MICU1: variants seen among roughly 807,000 people sequenced by gnomAD.
MICU1 encodes the protein mitochondrial calcium uptake 1, also known as calcium uptake protein 1, mitochondrial.
Under a neutral mutation model 56.8 loss-of-function variants are expected in MICU1, and 45 were observed. That is an observed-to-expected ratio of 0.79 (90% CI 0.62 to 1.02). The LOEUF is 1.02. Ranked by LOEUF, MICU1 falls within the 50% of genes least tolerant of loss-of-function variation. The probability of loss-of-function intolerance (pLI) is 0.00; values close to 1 mark genes in which losing one functional copy is unlikely to be tolerated. For synonymous variants in MICU1, 186 were observed against 195.1 expected, an observed-to-expected ratio of 0.95 and a Z score of 0.39; for missense variants, 504 against 587.1, an observed-to-expected ratio of 0.86 and a Z score of 1.46.
chr10:72,427,771 A>ATATATATAT (rs1864397499), intron 8 of MICU1, among the ~76,000 whole-genome samples: 1 of 130,632 alleles, frequency 7.7e-6, no homozygotes, highest in Non-Finnish European at 1.6e-5. Flanking sequence ...TATATATATG[A>ATATATATAT]ATGATAAATT....
intron 1 of MICU1, among the ~76,000 whole-genome samples, chr10:72,620,091 C>T (rs1564515981): frequency 6.6e-6 from 1 of 152,038 alleles, no homozygotes; most frequent in Non-Finnish European, 1.5e-5. Flanking sequence ...AAAGAACAAA[C>T]TTTAAAAAGC....
At chr10:72,541,260 G>T (rs1409654735) in intron 4 of MICU1, among the ~76,000 whole-genome samples, 1 of 152,182 alleles carries the variant, frequency 6.6e-6, no homozygotes, top group Non-Finnish European at 1.5e-5. Flanking sequence ...AGCAACCTTT[G>T]TAAAACTAGT....
chr10:72,395,958 C>A (rs1158446809), intron 10 of MICU1, among the ~76,000 whole-genome samples: 1 of 152,264 alleles, frequency 6.6e-6, no homozygotes, highest in Non-Finnish European at 1.5e-5. Context: ...GCTCTGAGAA[C>A]AGACAGACTG....
chr10:72,499,459 G>A (rs1354986400), intron 6 of MICU1, among the ~76,000 whole-genome samples: 1 of 152,166 alleles, frequency 6.6e-6, no homozygotes, highest in Non-Finnish European at 1.5e-5. Context: ...AGAAAAGGAA[G>A]TTATTGGTAA....
intron 10 of MICU1, among the ~76,000 whole-genome samples, chr10:72,394,442 G>A (rs536098951): frequency 2.9e-4 from 44 of 151,700 alleles, no homozygotes; most frequent in Admixed American, 9.2e-4. Context: ...CCTGGCCAAT[G>A]TGGTAAAACC....
chr10:72,513,677 GCT>G (rs1867556355), intron 5 of MICU1, among the ~76,000 whole-genome samples: 1 of 151,924 alleles, frequency 6.6e-6, no homozygotes, highest in Non-Finnish European at 1.5e-5. Context: ...TACAGCATTT[GCT>G]CTTTTTTTTT....
chr10:72,481,349 C>T (rs1866287684), intron 6 of MICU1, among the ~76,000 whole-genome samples: 1 of 152,166 alleles, frequency 6.6e-6, no homozygotes, highest in Non-Finnish European at 1.5e-5. Context: ...TGTGTTTATT[C>T]TAACTCATAA....
chr10:72,392,525 T>C (rs12778141), intron 10 of MICU1, among the ~76,000 whole-genome samples: 85,422 of 151,848 alleles, frequency 0.56, 24,929 homozygotes, highest in Middle Eastern at 0.65. Flanking sequence ...GAGCCAAGAT[T>C]GTACCACTGC....
intron 5 of MICU1, among the ~76,000 whole-genome samples, chr10:72,512,097 GTTGTTTTTTGTTTTTT>G (rs983023811): frequency 2.0e-5 from 2 of 100,690 alleles, no homozygotes; most frequent in Admixed American, 1.2e-4. Context: ...TCCATACACA[GTTGTTTTTTGTTTTTT>G]TTTTTTTTTT....
chr10:72,458,633 T>C (rs957745174), intron 8 of MICU1, among the ~76,000 whole-genome samples: 2 of 151,646 alleles, frequency 1.3e-5, no homozygotes, highest in African/African-American at 4.8e-5. Context: ...GAAGTATAGG[T>C]CAATGATTCT....
chr10:72,446,136 C>T (rs1865095420), intron 8 of MICU1, among the ~76,000 whole-genome samples: 1 of 151,978 alleles, frequency 6.6e-6, no homozygotes, highest in Admixed American at 6.6e-5. Context: ...AAACGCTGCA[C>T]CACCGATGCT....
chr10:72,543,805 G>A (rs139200407), intron 4 of MICU1, among the ~76,000 whole-genome samples: 4,445 of 151,388 alleles, frequency 0.029, 96 homozygotes, highest in Non-Finnish European at 0.042. Flanking sequence ...AGCTGAGATC[G>A]CACCAGTGCA....
At chr10:72,625,739 G>A (rs1446484099) in intron 1 of MICU1, among the ~76,000 whole-genome samples, 2 of 152,198 alleles carry the variant, frequency 1.3e-5, no homozygotes, top group Non-Finnish European at 2.9e-5. Context: ...ACCCGGCACT[G>A]GGAGAAGTTC....
chr10:72,535,653 T>TA (rs1014109983), intron 4 of MICU1, among the ~76,000 whole-genome samples: 20 of 152,128 alleles, frequency 1.3e-4, no homozygotes, highest in African/African-American at 4.8e-4. Context: ...ATACCAAGGA[T>TA]AAAAAAATCC....
At chr10:72,390,131 A>G (rs1863022086) in intron 10 of MICU1, among the ~76,000 whole-genome samples, 1 of 152,214 alleles carries the variant, frequency 6.6e-6, no homozygotes, top group South Asian at 2.1e-4. Context: ...CTAAAGAAAT[A>G]GCCTTAATTA....
chr10:72,490,489 A>AC (rs1283626444), intron 6 of MICU1, among the ~76,000 whole-genome samples: 6 of 152,168 alleles, frequency 3.9e-5, no homozygotes, highest in Non-Finnish European at 5.9e-5. Flanking sequence ...GGCTGATACT[A>AC]CCTGTGGAGC....
At chr10:72,511,281 T>G (rs2132354405) in intron 5 of MICU1, among the ~76,000 whole-genome samples, 1 of 152,300 alleles carries the variant, frequency 6.6e-6, no homozygotes, top group South Asian at 2.1e-4. Context: ...CTGTATGGGA[T>G]GCTGATCATA....
At chr10:72,612,630 C>T (rs1160084323) in intron 1 of MICU1, among the ~76,000 whole-genome samples, 1 of 151,974 alleles carries the variant, frequency 6.6e-6, no homozygotes, top group African/African-American at 2.4e-5. Flanking sequence ...GACCCTGTCT[C>T]ACAAAAAACA....
intron 9 of MICU1, among the ~76,000 whole-genome samples, chr10:72,410,965 A>C (rs1425015332): frequency 6.6e-6 from 1 of 152,222 alleles, no homozygotes; most frequent in East Asian, 1.9e-4. Flanking sequence ...GCAACCCAAT[A>C]GTCTACTGAT....
Sources: allele counts gnomAD v4.1 joint callset (sites outside exome capture counted in the v4.1 genomes callset), GRCh38; gene constraint gnomAD v4.1.1; transcripts MANE v1.5; gene names NCBI Gene and HGNC (gene_info 2026-07-23, HGNC 2026-07-21).